The following UGT1A4 variants were observed in gnomAD, a reference collection of about 807,000 sequenced individuals.
UGT1A4 encodes the protein UDP glucuronosyltransferase family 1 member A4.
In UGT1A4, 32 loss-of-function variants were observed where a neutral mutation model predicts 41.1. The observed-to-expected ratio is 0.78, with a 90% CI of 0.59 to 1.05. UGT1A4 has a LOEUF of 1.05. UGT1A4 is among the 50% of genes least tolerant of loss of function. UGT1A4 has a pLI of 0.00. For missense variants in UGT1A4, 748 were observed against 677.4 expected, an observed-to-expected ratio of 1.10 and a Z score of -1.16; for synonymous variants, 283 against 265.1, an observed-to-expected ratio of 1.07 and a Z score of -0.66.
intron 1 of UGT1A4, chr2:233,743,145 C>T (rs1174394425): frequency 2.3e-5 from 8 of 355,378 alleles, no homozygotes; most frequent in Admixed American, 7.6e-5. Context: ...AAAAAAAGTC[C>T]GCTATTCCTC....
At chr2:233,760,266 C>T (rs778145749) in intron 1 of UGT1A4, 17 of 1,611,888 alleles carry the variant, frequency 1.1e-5, no homozygotes, top group Non-Finnish European at 1.4e-5. Context: ...GAGGGCGAAC[C>T]TCTGGCAGGA....
chr2:233,763,296 GAT>G (rs1373689978), intron 1 of UGT1A4, among the ~76,000 whole-genome samples: 1 of 152,054 alleles, frequency 6.6e-6, no homozygotes, highest in African/African-American at 2.4e-5. Flanking sequence ...CCACTTTTTG[GAT>G]ATTAATATTA....
chr2:233,769,855 C>T lies in UGT1A4; in HGVS notation c.1307+1416C>T. The T allele has an allele frequency of 2.7e-6, 1 of 372,078 alleles. No individual in the cohort carries two copies. The highest frequency in any genetic ancestry group is 4.4e-6 in the Non-Finnish European group (1 of 226,694). The allele number at this position is 372,078 out of a possible 1,614,324, so 23.0% of individuals were successfully genotyped here. On this transcript the variant is annotated intron_variant, in intron 4 of 4. Coordinates refer to ENST00000373409, the MANE Select transcript of UGT1A4 (RefSeq NM_007120.3). The surrounding 1 kb of genome is among the most constrained non-coding windows in gnomAD (Gnocchi z 4.4). ...CCTGGGCAACAGAGTGAGACCCTGT[C>T]TCAAAAAAAAAAAAAAAAATGAAAA...
rs1178018823 is a variant in UGT1A4, at chr2:233,724,688, G to A, written c.867+5001G>A. 1.4e-5 allele frequency among the ~76,000 whole-genome samples: 2 copies of A among 144,826 alleles called. 1 individual carries two copies. Among genetic ancestry groups the A allele is most frequent in the Non-Finnish European group, 3.0e-5 (2 of 66,424 alleles). On this transcript the variant is annotated intron_variant, in intron 1 of 4. Transcript: ENST00000373409. ...TCACTTCCTAGATGGGATGGCGGCC[G>A]GGTGAAGACGCTCCTCGCTTTCCAG...
intron 1 of UGT1A4, among the ~76,000 whole-genome samples, chr2:233,750,216 G>A (rs192238866): frequency 1.3e-5 from 2 of 151,994 alleles, no homozygotes; most frequent in Middle Eastern, 3.4e-3. Flanking sequence ...AGTCTCAGAT[G>A]GAGATGAGGA....
At chr2:233,730,438 G>A (rs1247930586) in intron 1 of UGT1A4, among the ~76,000 whole-genome samples, 7 of 152,192 alleles carry the variant, frequency 4.6e-5, no homozygotes, top group African/African-American at 7.2e-5. Context: ...GTCCCATCTT[G>A]CAAATGATAG....
At chr2:233,743,802 T>C (rs181906347) in intron 1 of UGT1A4, 13 of 1,367,286 alleles carry the variant, frequency 9.5e-6, no homozygotes, top group Non-Finnish European at 1.3e-5. Context: ...GCTTCCTCCT[T>C]GTTCTCAGGG....
Position 233,772,339 on chromosome 2 carries a change from G to C in UGT1A4, c.1385G>C (p.Trp462Ser), listed in dbSNP as rs1424603943. 4.3e-6 allele frequency: 7 copies of C among 1,614,256 alleles called. No individual in the cohort carries two copies. Among genetic ancestry groups the C allele is most frequent in the Non-Finnish European group, 5.9e-6 (7 of 1,180,038 alleles). ...GAGCCGCTGGACCTGGCCGTGTTCT[G>C]GGTGGAGTTTGTGATGAGGCACAAG... ...PVEPLDLAVF[W>S]VEFVMRHKGA... is the part of the protein sequence containing the mutation. The change falls in exon 5 of 5, where the codon TGG becomes TCG. Residue 462 changes from tryptophan to serine, a missense_variant. Transcript: ENST00000373409.
rs767667233 is a variant in UGT1A4, at chr2:233,769,803, C to T, written c.1307+1364C>T. ...CCAGAAGTTGGAGGCTGCTATGAGC[C>T]GTGATCATGCCACTGCACTCCAGCA... On this transcript the variant is annotated intron_variant, in intron 4 of 4. Coordinates refer to ENST00000373409, the MANE Select transcript of UGT1A4 (RefSeq NM_007120.3). This position sits in a 1 kb window ranked among gnomAD's most constrained non-coding sequence, Gnocchi z 4.4. 8.1e-6 allele frequency: 9 copies of T among 1,113,138 alleles called. No homozygotes were observed. Among genetic ancestry groups the T allele is most frequent in the Admixed American group, 3.0e-5 (1 of 33,080 alleles). 69.0% of individuals were successfully genotyped at this position (1,113,138 alleles called of 1,614,324 possible).
At chr2:233,731,639 A>T (rs2078185645) in intron 1 of UGT1A4, among the ~76,000 whole-genome samples, 1 of 152,176 alleles carries the variant, frequency 6.6e-6, no homozygotes, top group Non-Finnish European at 1.5e-5. Flanking sequence ...GCTGCATAGT[A>T]TTCCATGGTG....
chr2:233,772,142 A>T, intron 4 of UGT1A4, 120 bp from the exon 5 acceptor site: 1 of 1,550,154 alleles, frequency 6.5e-7, no homozygotes, highest in Non-Finnish European at 8.7e-7. Context: ...AATAATAGAA[A>T]CAGGTTTCCT....
intron 1 of UGT1A4, chr2:233,743,409 A>C: frequency 7.6e-7 from 1 of 1,312,950 alleles, no homozygotes; most frequent in South Asian, 1.2e-5. Flanking sequence ...AAAGGCCCCC[A>C]CTTCCCAGGG....
chr2:233,726,353 T>C lies in UGT1A4; in HGVS notation c.867+6666T>C, dbSNP rs2077527034. Among the ~76,000 whole-genome samples the C allele has an allele frequency of 2.0e-5, 3 of 152,202 alleles. No individual in the cohort carries two copies. The South Asian group carries it at 6.2e-4, about 32-fold the overall frequency. ...CACCTGTGGTTTTTTGATTTATTTA[T>C]TTAAAACACAACAAAAACCAAAATT... On this transcript the variant is annotated intron_variant, in intron 1 of 4. Transcript: ENST00000373409.
At chr2:233,730,118 T>C in intron 1 of UGT1A4, 5 of 1,555,912 alleles carry the variant, frequency 3.2e-6, no homozygotes, top group Non-Finnish European at 4.3e-6. Context: ...CTTCTCCTTG[T>C]CATAATAGCC....
chr2:233,727,417 C>T (rs2077614364), intron 1 of UGT1A4, among the ~76,000 whole-genome samples: 1 of 152,144 alleles, frequency 6.6e-6, no homozygotes, highest in Non-Finnish European at 1.5e-5. Flanking sequence ...TCCTCAGGGT[C>T]TGGGAGTCCC....
chr2:233,731,410 T>C (rs2078155663), intron 1 of UGT1A4, among the ~76,000 whole-genome samples: 1 of 152,132 alleles, frequency 6.6e-6, no homozygotes. Flanking sequence ...ACATTAGGTA[T>C]TTTTCCTAAT....
chr2:233,760,567 A>G (rs1697488656), intron 1 of UGT1A4: 5 of 1,614,130 alleles, frequency 3.1e-6, no homozygotes, highest in African/African-American at 2.7e-5. Context: ...GTCTTTTGTT[A>G]GTCTCGGGCA....
At chr2:233,757,538 A>G (rs1235606271) in intron 1 of UGT1A4, among the ~76,000 whole-genome samples, 2 of 109,774 alleles carry the variant, frequency 1.8e-5, no homozygotes, top group East Asian at 2.1e-4. Context: ...TGTAAGGAAT[A>G]TATATATATA....
At chr2:233,733,150 A>G (rs1001837266) in intron 1 of UGT1A4, among the ~76,000 whole-genome samples, 7 of 152,190 alleles carry the variant, frequency 4.6e-5, no homozygotes, top group Non-Finnish European at 7.3e-5. Flanking sequence ...ATTTTTGCAC[A>G]TTGATTTTGT....
Sources: gnomAD v4.1 joint callset for allele counts (sites outside exome capture counted in the v4.1 genomes callset) on GRCh38, gnomAD v4.1.1 for gene constraint, Gnocchi (gnomAD v3.1) non-coding constraint, MANE v1.5 for transcripts, NCBI Gene and HGNC (gene_info 2026-07-23, HGNC 2026-07-21) for gene names.